Variants in MYO1D observed in about 807,000 individuals in gnomAD.
The protein encoded by MYO1D is myosin ID.
In MYO1D, 83 loss-of-function variants were observed where a neutral mutation model predicts 122.0. The observed-to-expected ratio is 0.68, with a 90% CI of 0.57 to 0.82. The LOEUF is 0.82. Among genes scored for constraint, MYO1D ranks in the 40% least tolerant of loss-of-function variants. The pLI is 0.00. For synonymous variants in MYO1D, 464 were observed against 446.9 expected (o/e 1.04, Z -0.48); for missense variants, 1,157 against 1,269.5 (o/e 0.91, Z 1.35).
intron 20 of MYO1D, among the ~76,000 whole-genome samples, chr17:32,608,523 G>A (rs1337853621): frequency 6.6e-6 from 1 of 152,094 alleles, no homozygotes; most frequent in East Asian, 1.9e-4. Context: ...AGAACAAGTG[G>A]GACTCACATG....
intron 1 of MYO1D, among the ~76,000 whole-genome samples, chr17:32,861,789 G>GT (rs756899152): frequency 4.9e-4 from 75 of 152,104 alleles, no homozygotes; most frequent in Non-Finnish European, 9.3e-4. Context: ...GCCAAGGCAG[G>GT]TGTGGATCAC....
chr17:32,636,630 C>G (rs374111399), intron 20 of MYO1D, among the ~76,000 whole-genome samples: 1 of 152,198 alleles, frequency 6.6e-6, no homozygotes, highest in Non-Finnish European at 1.5e-5. Context: ...TTCAGGCACA[C>G]TGGCAAGGAA....
intron 1 of MYO1D, among the ~76,000 whole-genome samples, chr17:32,852,162 G>T (rs1040739320): frequency 5.3e-5 from 8 of 152,122 alleles, no homozygotes; most frequent in African/African-American, 1.9e-4. Flanking sequence ...TTGAGACAGG[G>T]TCTCACTCTG....
intron 3 of MYO1D, among the ~76,000 whole-genome samples, chr17:32,777,309 G>C (rs773251115): frequency 1.3e-5 from 2 of 152,198 alleles, no homozygotes; most frequent in Non-Finnish European, 2.9e-5. Flanking sequence ...GGGTAGTGAA[G>C]TGTAAGTTCT....
At chr17:32,712,738 A>T (rs923341816) in intron 15 of MYO1D, among the ~76,000 whole-genome samples, 11 of 152,356 alleles carry the variant, frequency 7.2e-5, no homozygotes, top group Admixed American at 5.9e-4. Context: ...CACAAAAATT[A>T]ATTGCATTTC....
At chr17:32,704,323 C>A (rs1378789535) in intron 16 of MYO1D, among the ~76,000 whole-genome samples, 1 of 152,154 alleles carries the variant, frequency 6.6e-6, no homozygotes, top group Non-Finnish European at 1.5e-5. Flanking sequence ...TATAGTATAA[C>A]TGGGGCTTTT....
At chr17:32,726,419 CA>C (rs61627449) in intron 14 of MYO1D, among the ~76,000 whole-genome samples, 5 of 136,032 alleles carry the variant, frequency 3.7e-5, no homozygotes, top group Non-Finnish European at 3.1e-5. Context: ...GACCCTGTCT[CA>C]AAAAAAAAAG....
At chr17:32,560,541 A>C (rs1363175477) in intron 21 of MYO1D, among the ~76,000 whole-genome samples, 6,591 of 59,794 alleles carry the variant, frequency 0.11, 784 homozygotes, top group African/African-American at 0.18. Context: ...ATATATATAT[A>C]TATATATATA....
chr17:32,860,076 C>T (rs1348682617), intron 1 of MYO1D, among the ~76,000 whole-genome samples: 2 of 152,092 alleles, frequency 1.3e-5, no homozygotes, highest in African/African-American at 4.8e-5. Flanking sequence ...AGGAGCACAA[C>T]ACAAGCAGAG....
At chr17:32,632,082 AC>A (rs56410395) in intron 20 of MYO1D, among the ~76,000 whole-genome samples, 17,105 of 152,192 alleles carry the variant, frequency 0.11, 1,268 homozygotes, top group Middle Eastern at 0.23. Context: ...TAAAGCTTGC[AC>A]CCAATTATAG....
At chr17:32,822,411 G>A (rs958838432) in intron 1 of MYO1D, among the ~76,000 whole-genome samples, 2 of 151,678 alleles carry the variant, frequency 1.3e-5, no homozygotes, top group African/African-American at 2.4e-5. Flanking sequence ...CGCGTCCAGC[G>A]CCGTCCGTCC....
At chr17:32,584,767 G>A (rs1225426455) in intron 21 of MYO1D, among the ~76,000 whole-genome samples, 2 of 152,174 alleles carry the variant, frequency 1.3e-5, no homozygotes, top group Non-Finnish European at 1.5e-5. Context: ...TTACAGGCAT[G>A]AGCCATAGCA....
intron 21 of MYO1D, among the ~76,000 whole-genome samples, chr17:32,544,415 T>C (rs946058425): frequency 6.6e-6 from 1 of 152,164 alleles, no homozygotes; most frequent in Non-Finnish European, 1.5e-5. Flanking sequence ...GCTTGCTAAG[T>C]TTTATATGAC....
At chr17:32,631,007 C>T (rs1166972841) in intron 20 of MYO1D, among the ~76,000 whole-genome samples, 1 of 152,136 alleles carries the variant, frequency 6.6e-6, no homozygotes, top group African/African-American at 2.4e-5. Flanking sequence ...TGGATTAGGG[C>T]CCACTCTTAA....
chr17:32,694,127 T>G (rs75623861), intron 16 of MYO1D, among the ~76,000 whole-genome samples: 1 of 152,382 alleles, frequency 6.6e-6, no homozygotes, highest in African/African-American at 2.4e-5. Flanking sequence ...CAACATTTAC[T>G]AAATGTCTTA....
chr17:32,742,126 C>T (rs1007836078), intron 13 of MYO1D, among the ~76,000 whole-genome samples: 3 of 151,706 alleles, frequency 2.0e-5, no homozygotes, highest in African/African-American at 7.3e-5. Context: ...AACAATACAA[C>T]AACTATTTAC....
intron 19 of MYO1D, among the ~76,000 whole-genome samples, chr17:32,639,140 A>C (rs2150939446): frequency 6.6e-6 from 1 of 152,278 alleles, no homozygotes; most frequent in African/African-American, 2.4e-5. Context: ...AAAATCATAT[A>C]TCTAAAAAGG....
In MYO1D at chr17:32,865,317, C is replaced by T. The variant is rs181357431; in HGVS notation, c.95+11461G>A. Among the ~76,000 whole-genome samples the T allele has an allele frequency of 4.6e-5, 7 of 152,034 alleles. No individual in the cohort carries two copies. In the East Asian group the frequency reaches 9.6e-4, roughly 21 times the overall value. The stretch of plus-strand genomic sequence containing the variant: ...CCTCTATTGTACAAGTTACTCAAAG[C>T]CGACTTTGTGGTCAGAGGCGAAATT... On this transcript the variant is annotated intron_variant, in intron 1 of 21. Coordinates refer to ENST00000318217, the MANE Select transcript of MYO1D (RefSeq NM_015194.3).
intron 21 of MYO1D, among the ~76,000 whole-genome samples, chr17:32,572,054 T>C (rs2150896007): frequency 6.6e-6 from 1 of 152,288 alleles, no homozygotes; most frequent in South Asian, 2.1e-4. Context: ...ATATCACTAA[T>C]AACCCCTGCT....
Sources: gnomAD v4.1 joint callset for allele counts (sites outside exome capture counted in the v4.1 genomes callset) on GRCh38, gnomAD v4.1.1 for gene constraint, MANE v1.5 for transcripts, NCBI Gene and HGNC (gene_info 2026-07-23, HGNC 2026-07-21) for gene names.